The following MYO3A variants were observed in gnomAD, a reference collection of about 807,000 sequenced individuals.
MYO3A encodes myosin-IIIa.
A neutral mutation model predicts 192.7 loss-of-function variants in MYO3A; 180 were observed. That is an observed-to-expected ratio of 0.93 (90% confidence interval 0.83 to 1.06). The LOEUF is 1.06. Among genes scored for constraint, MYO3A ranks in the 50% least tolerant of loss-of-function variants. The pLI is 0.00. For synonymous variants in MYO3A, 628 were observed against 645.3 expected (o/e 0.97, Z 0.41); for missense variants, 1,896 against 1,905.0 (o/e 1.00, Z 0.09).
Position 26,135,914 on chromosome 10 carries a change from T to C in MYO3A, c.2262+7376T>C, listed in dbSNP as rs140292521. 6.5e-4 allele frequency among the ~76,000 whole-genome samples: 92 copies of C among 140,610 alleles called. 1 individual carries two copies. Among genetic ancestry groups the C allele is most frequent in the Admixed American group, 1.7e-3 (22 of 12,876 alleles). The allele number at this position is 140,610 out of a possible 152,430, so 92.2% of individuals were successfully genotyped here. A position where few individuals can be genotyped will look rare whatever the true frequency, so the allele number is the denominator to read the frequency against. ...CCAGGGGCCAGAGGTTGCAGTGAGC[T>C]GAGACTGGGTCCACTTCACTCCAGC... On this transcript the variant is annotated intron_variant, in intron 20 of 34. Coordinates refer to ENST00000642920, the MANE Select transcript of MYO3A (RefSeq NM_017433.5).
chr10:25,992,470 ACTT>A (rs1223524862), intron 4 of MYO3A, among the ~76,000 whole-genome samples: 19 of 152,166 alleles, frequency 1.2e-4, no homozygotes, highest in Admixed American at 7.9e-4. Flanking sequence ...GGACAATTTG[ACTT>A]CTTCTTTCCT....
chr10:26,168,515 G>C (rs117740226), intron 27 of MYO3A, among the ~76,000 whole-genome samples, 197 bp from the exon 28 acceptor site: 1 of 152,098 alleles, frequency 6.6e-6, no homozygotes, highest in African/African-American at 2.4e-5. Flanking sequence ...GTCACCTTCT[G>C]CATTTCTTCT....
chr10:25,997,652 A>G (rs770538019), intron 6 of MYO3A, among the ~76,000 whole-genome samples: 5 of 152,114 alleles, frequency 3.3e-5, no homozygotes, highest in Non-Finnish European at 5.9e-5. Flanking sequence ...ATCTGGGAGT[A>G]TTTCCTCCCT....
At chr10:26,168,243 T>C (rs1475642634) in intron 27 of MYO3A, among the ~76,000 whole-genome samples, 2 of 152,206 alleles carry the variant, frequency 1.3e-5, no homozygotes, top group African/African-American at 2.4e-5. Flanking sequence ...GATACGTACC[T>C]GTAACAGGTC....
At chr10:26,172,652 A>G (rs540597737) in intron 29 of MYO3A, among the ~76,000 whole-genome samples, 1 of 152,348 alleles carries the variant, frequency 6.6e-6, no homozygotes, top group East Asian at 1.9e-4. Flanking sequence ...AGTACTATGG[A>G]GGAATTCAAA....
At chr10:26,097,353 C>T (rs1412714928) in intron 17 of MYO3A, among the ~76,000 whole-genome samples, 2 of 151,688 alleles carry the variant, frequency 1.3e-5, no homozygotes, top group African/African-American at 4.8e-5. Flanking sequence ...TGTATCAGTA[C>T]TTCATTTTTT....
At chr10:26,114,459 G>C (rs879561500) in intron 17 of MYO3A, among the ~76,000 whole-genome samples, 1 of 152,170 alleles carries the variant, frequency 6.6e-6, no homozygotes, top group Non-Finnish European at 1.5e-5. Context: ...CTCTGCCACT[G>C]AGAGAAGTTA....
intron 21 of MYO3A, 37 bp from the exon 22 acceptor site, chr10:26,145,409 T>A (rs756704100): frequency 2.2e-6 from 3 of 1,386,512 alleles, no homozygotes; most frequent in South Asian, 2.3e-5. Context: ...GAGGATCTCA[T>A]ACATGCTTGA....
intron 29 of MYO3A, among the ~76,000 whole-genome samples, chr10:26,172,126 G>C (rs1842076686): frequency 1.3e-5 from 2 of 152,344 alleles, no homozygotes; most frequent in South Asian, 4.1e-4. Flanking sequence ...AGCTTGTAGA[G>C]AGGAAAGTTA....
At chr10:26,150,842 GCTTA>G (rs1486060181) in intron 23 of MYO3A, among the ~76,000 whole-genome samples, 2 of 151,458 alleles carry the variant, frequency 1.3e-5, no homozygotes, top group East Asian at 1.9e-4. Context: ...TTCTTTCTCT[GCTTA>G]CTTTGTGTTT....
At chr10:25,992,263 T>A (rs1001405393) in intron 4 of MYO3A, among the ~76,000 whole-genome samples, 2 of 152,204 alleles carry the variant, frequency 1.3e-5, no homozygotes, top group Non-Finnish European at 2.9e-5. Context: ...GATATTTTAT[T>A]CTCTTTGAAG....
chr10:26,167,525 G>A (rs1589068041), intron 27 of MYO3A, among the ~76,000 whole-genome samples: 1 of 152,114 alleles, frequency 6.6e-6, no homozygotes. Flanking sequence ...AAGGCCTTTT[G>A]CAGTTATAGT....
intron 31 of MYO3A, among the ~76,000 whole-genome samples, chr10:26,187,168 T>C (rs1378498866): frequency 6.6e-6 from 1 of 151,952 alleles, no homozygotes; most frequent in Non-Finnish European, 1.5e-5. Flanking sequence ...AGATCACCAA[T>C]GAAATGACAC....
intron 17 of MYO3A, among the ~76,000 whole-genome samples, chr10:26,110,207 T>C (rs1354014373): frequency 6.6e-6 from 1 of 152,186 alleles, no homozygotes; most frequent in Non-Finnish European, 1.5e-5. Context: ...CCTGGAACTT[T>C]GGATTGACAA....
At chr10:26,026,697 C>T (rs2131118886) in intron 10 of MYO3A, among the ~76,000 whole-genome samples, 165 bp downstream of exon 10, 1 of 152,278 alleles carries the variant, frequency 6.6e-6, no homozygotes, top group South Asian at 2.1e-4. Context: ...GGTAAAATTA[C>T]AGGCAACACT....
intron 10 of MYO3A, among the ~76,000 whole-genome samples, chr10:26,032,630 CAAAA>C (rs1224220516): frequency 6.9e-6 from 1 of 144,546 alleles, no homozygotes; most frequent in Non-Finnish European, 1.5e-5. Context: ...AACAAAAAAA[CAAAA>C]AAAAAACCAA....
intron 4 of MYO3A, among the ~76,000 whole-genome samples, chr10:25,981,497 G>A (rs968731856): frequency 6.6e-6 from 1 of 152,060 alleles, no homozygotes; most frequent in African/African-American, 2.4e-5. Context: ...AAATAAAAGG[G>A]CAAGCCACAG....
chr10:25,955,284 A>C (rs1837472443), intron 4 of MYO3A, among the ~76,000 whole-genome samples: 1 of 152,112 alleles, frequency 6.6e-6, no homozygotes, highest in Non-Finnish European at 1.5e-5. Context: ...ATTAAAAGGG[A>C]TTTCATTATA....
chr10:26,158,553 C>G (rs1433888505), intron 26 of MYO3A, among the ~76,000 whole-genome samples: 1 of 151,880 alleles, frequency 6.6e-6, no homozygotes, highest in Non-Finnish European at 1.5e-5. Context: ...CTGCGCCCAG[C>G]CAAGGAGTTC....
Sources: allele counts gnomAD v4.1 joint callset (sites outside exome capture counted in the v4.1 genomes callset), GRCh38; gene constraint gnomAD v4.1.1; transcripts MANE v1.5; gene names NCBI Gene and HGNC (gene_info 2026-07-23, HGNC 2026-07-21).